MYBL2: variants seen among roughly 807,000 people sequenced by gnomAD.
The protein encoded by MYBL2 is MYB proto-oncogene like 2.
Under a neutral mutation model 79.9 loss-of-function variants are expected in MYBL2, and 28 were observed. That is an observed-to-expected ratio of 0.35 (90% CI 0.26 to 0.48). MYBL2 has a LOEUF of 0.48. MYBL2 is among the 20% of genes least tolerant of loss of function. MYBL2 has a pLI of 0.99. For synonymous variants in MYBL2, 378 were observed against 361.2 expected (o/e 1.05, Z -0.53); for missense variants, 735 against 893.9 (o/e 0.82, Z 2.27).
At chr20:43,669,096 C>G (rs1035885072) in intron 1 of MYBL2, among the ~76,000 whole-genome samples, 1 of 152,226 alleles carries the variant, frequency 6.6e-6, no homozygotes, top group Non-Finnish European at 1.5e-5. Context: ...GCCTTGGCCT[C>G]ACAGAGTGCT....
At chr20:43,676,040 G>T (rs1228195893) in intron 2 of MYBL2, among the ~76,000 whole-genome samples, 2 of 151,892 alleles carry the variant, frequency 1.3e-5, no homozygotes, top group East Asian at 3.9e-4. Flanking sequence ...AAGTAGCTGG[G>T]ATTACAGGCA....
Position 43,699,843 on chromosome 20 carries a change from A to G in MYBL2, c.750A>G (p.Thr250=), listed in dbSNP as rs767019928. 10 of 1,614,062 alleles carry G rather than the reference A, an allele frequency of 6.2e-6. No individual in the cohort carries two copies. The African/African-American group carries it at 9.3e-5, about 15-fold the overall frequency. Residue 250 remains threonine, a synonymous_variant, in exon 7 of 14, where the codon ACA becomes ACG. Coordinates refer to ENST00000217026, the MANE Select transcript of MYBL2 (RefSeq NM_002466.4). ...NSEEELAAAT[T]SKEQEPIGTD... Reference sequence around the variant, plus strand: ...AGGAGGAACTTGCAGCAGCCACCACATCGAAGGAACAGGAGCCCATCGGTA... The same window carrying G: ...AGGAGGAACTTGCAGCAGCCACCACGTCGAAGGAACAGGAGCCCATCGGTA...
intron 8 of MYBL2, 57 bp downstream of exon 8, chr20:43,702,960 T>C: frequency 6.6e-7 from 1 of 1,520,398 alleles, no homozygotes; most frequent in African/African-American, 1.4e-5. Flanking sequence ...TAGTGTTCAG[T>C]GCTGGGGCAA....
chr20:43,669,935 C>T (rs1986819195), intron 1 of MYBL2, among the ~76,000 whole-genome samples: 1 of 152,164 alleles, frequency 6.6e-6, no homozygotes, highest in Non-Finnish European at 1.5e-5. Context: ...AACTCCTCGT[C>T]TCTACCAAAA....
chr20:43,715,662 G>A (rs918638246), intron 13 of MYBL2, among the ~76,000 whole-genome samples: 2 of 152,156 alleles, frequency 1.3e-5, no homozygotes, highest in Admixed American at 6.5e-5. Flanking sequence ...CTGCTGACCC[G>A]TCTCACTGCT....
In MYBL2 at chr20:43,670,109, TAAACAAAC is replaced by T. The variant is rs368571609; in HGVS notation, c.20+2820_20+2827del. ...GACAAAGCGAGACTCTATCTCAAAA[TAAACAAAC>T]AAACAAACAAACAGCATTGGAGCAC... is the stretch of plus-strand genomic sequence containing the variant. On this transcript the variant is annotated intron_variant, in intron 1 of 13. Coordinates refer to ENST00000217026, the MANE Select transcript of MYBL2 (RefSeq NM_002466.4). Among the ~76,000 whole-genome samples the T allele has an allele frequency of 5.3e-5, 8 of 152,104 alleles. No individual in the cohort carries two copies. The South Asian group carries it at 6.2e-4, about 12-fold the overall frequency.
At chr20:43,686,315 G>T (rs764021101) in intron 4 of MYBL2, among the ~76,000 whole-genome samples, 1 of 152,118 alleles carries the variant, frequency 6.6e-6, no homozygotes, top group South Asian at 2.1e-4. Flanking sequence ...CCTGACTGAG[G>T]GCAGGTGGGG....
intron 7 of MYBL2, among the ~76,000 whole-genome samples, chr20:43,700,855 G>C (rs1987662096): frequency 6.6e-6 from 1 of 152,172 alleles, no homozygotes; most frequent in South Asian, 2.1e-4. Flanking sequence ...TGGTGGTCTT[G>C]ACTGCCATGC....
intron 12 of MYBL2, among the ~76,000 whole-genome samples, chr20:43,713,801 C>G (rs761426283): frequency 6.6e-6 from 1 of 152,156 alleles, no homozygotes; most frequent in South Asian, 2.1e-4. Context: ...TGAGGTCGAC[C>G]TCAGAAAGGG....
Position 43,702,869 on chromosome 20 carries a change from C to T in MYBL2, c.1331C>T (p.Thr444Ile), listed in dbSNP as rs1266765393. 3.1e-6 allele frequency: 5 copies of T among 1,609,220 alleles called. No individual in the cohort carries two copies. The highest frequency in any genetic ancestry group is 3.4e-6 in the Non-Finnish European group (4 of 1,176,098). ...TGTAACAGCCTCACGCCCAAGAGCA[C>T]ACCTGTTAAGACCCTGCCCTTCTCG... Reference protein sequence around the residue: ...DSCNSLTPKSTPVKTLPFSPS... With the variant: ...DSCNSLTPKSIPVKTLPFSPS... Residue 444 changes from threonine to isoleucine, a missense_variant, in exon 8 of 14, where the codon ACA becomes ATA. Thr to Ile is a moderately conservative substitution (Grantham distance 89, BLOSUM62 -1). Coordinates refer to ENST00000217026, the MANE Select transcript of MYBL2 (RefSeq NM_002466.4).
intron 12 of MYBL2, among the ~76,000 whole-genome samples, chr20:43,713,919 C>T (rs374902483): frequency 1.3e-5 from 2 of 152,102 alleles, no homozygotes; most frequent in African/African-American, 4.8e-5. Flanking sequence ...AGTGGGGAGG[C>T]GGTGAGAGGC....
chr20:43,696,481 A>C (rs1555811613), intron 6 of MYBL2, among the ~76,000 whole-genome samples: 2 of 152,130 alleles, frequency 1.3e-5, no homozygotes, highest in Non-Finnish European at 2.9e-5. Flanking sequence ...TTGGCCTCCC[A>C]AAATACTGGG....
intron 4 of MYBL2, among the ~76,000 whole-genome samples, chr20:43,683,843 C>T (rs77075856): frequency 0.011 from 1,683 of 151,934 alleles, 24 homozygotes; most frequent in African/African-American, 0.03. Flanking sequence ...CGTGAGCCAC[C>T]GTGCCTGGCC....
intron 6 of MYBL2, among the ~76,000 whole-genome samples, chr20:43,695,191 G>C (rs73276055): frequency 6.6e-6 from 1 of 151,912 alleles, no homozygotes; most frequent in Non-Finnish European, 1.5e-5. Context: ...ATAGGCATTC[G>C]CCACCATCCT....
chr20:43,710,994 C>G (rs1014289702), intron 10 of MYBL2, among the ~76,000 whole-genome samples: 1 of 152,184 alleles, frequency 6.6e-6, no homozygotes, highest in East Asian at 1.9e-4. Context: ...ACCTTTCACT[C>G]TTAGTAGCAC....
At chr20:43,692,407 C>A in intron 6 of MYBL2, 88 bp downstream of exon 6, 1 of 1,516,354 alleles carries the variant, frequency 6.6e-7, no homozygotes, top group South Asian at 1.2e-5. Flanking sequence ...AGCTATTGGT[C>A]AGTTTCTGCC....
At chr20:43,683,550 C>CCTTTTTTTTTTTTTTTTTTTTTTTTT in intron 4 of MYBL2, among the ~76,000 whole-genome samples, 1 of 126,446 alleles carries the variant, frequency 7.9e-6, no homozygotes, top group Non-Finnish European at 1.7e-5. Flanking sequence ...GGGAACTAGG[C>CCTTTTTTTTTTTTTTTTTTTTTTTTT]ATTTTTTTTT....
chr20:43,682,727 A>G, intron 3 of MYBL2, 67 bp from the exon 4 acceptor site: 1 of 1,501,018 alleles, frequency 6.7e-7, no homozygotes, highest in South Asian at 1.1e-5. Flanking sequence ...CTAGTACTTA[A>G]CCAGGCCCCC....
intron 6 of MYBL2, among the ~76,000 whole-genome samples, chr20:43,693,854 C>A (rs781381112): frequency 6.6e-6 from 1 of 151,822 alleles, no homozygotes; most frequent in Non-Finnish European, 1.5e-5. Context: ...AGTTTAAGAC[C>A]AGCTTGGGCA....
Sources: allele counts gnomAD v4.1 joint callset (sites outside exome capture counted in the v4.1 genomes callset), GRCh38; gene constraint gnomAD v4.1.1; transcripts MANE v1.5; gene names NCBI Gene and HGNC (gene_info 2026-07-23, HGNC 2026-07-21).